PCDHGA3: variants seen among roughly 807,000 people sequenced by gnomAD.
PCDHGA3 encodes the protein protocadherin gamma subfamily A, 3.
PCDHGA3 carries 40 observed loss-of-function variants against 58.5 expected under a neutral mutation model. That is an observed-to-expected ratio of 0.68 (90% CI 0.53 to 0.89). PCDHGA3 has a LOEUF of 0.89. Ranked by LOEUF, PCDHGA3 falls within the 40% of genes least tolerant of loss-of-function variation. The pLI, the probability that PCDHGA3 is intolerant of heterozygous loss-of-function variation, is 0.00. For missense variants in PCDHGA3, 1,223 were observed against 1,195.9 expected (o/e 1.02, Z -0.33); for synonymous variants, 530 against 525.7 (o/e 1.01, Z -0.11).
At chr5:141,364,980 G>C in intron 1 of PCDHGA3, 1 of 1,613,870 alleles carries the variant, frequency 6.2e-7, no homozygotes, top group Middle Eastern at 1.6e-4. Flanking sequence ...GCTTTAGATG[G>C]CGGAGACCCG....
In PCDHGA3 at chr5:141,344,885, G is replaced by T; in HGVS notation, c.852G>T (p.Met284Ile). ...AAGTGTCTTATATTCTAGATAAAAT[G>T]CCTGGGAAAATCGCTGAGATTTTCC... ...NAQVSYILDK[M>I]PGKIAEIFHL... The change falls in exon 1 of 4, where the codon ATG becomes ATT. Residue 284 changes from methionine to isoleucine, a missense_variant. This residue lies in a region of PCDHGA3 where 791 missense variants were observed against 708.5 expected (regional missense o/e 1.12). Transcript: ENST00000253812. The T allele has an allele frequency of 6.2e-7, 1 of 1,613,908 alleles. No individual in the cohort carries two copies. Among genetic ancestry groups the T allele is most frequent in the Non-Finnish European group, 8.5e-7 (1 of 1,179,856 alleles).
chr5:141,372,034 G>A (rs1308858640), intron 1 of PCDHGA3: 10 of 1,613,358 alleles, frequency 6.2e-6, no homozygotes, highest in Non-Finnish European at 8.5e-6. Context: ...GCCAACGTGA[G>A]CCTGCGCGTG....
At chr5:141,389,755 T>C in intron 1 of PCDHGA3, 1 of 1,612,872 alleles carries the variant, frequency 6.2e-7, no homozygotes, top group African/African-American at 1.3e-5. Context: ...ACGGGCGAAG[T>C]GCGCACAGCG....
chr5:141,490,050 C>T lies in PCDHGA3; in HGVS notation c.2425-4757C>T, dbSNP rs1400735375. On this transcript the variant is annotated intron_variant, in intron 1 of 3. Transcript: ENST00000253812. This position sits in a 1 kb window ranked among gnomAD's most constrained non-coding sequence, Gnocchi z 5.4. ...TCCGCCTCAATGCCACTGATCCAGA[C>T]GAGGGCACCAACGGCCAACTAGACT... The T allele has an allele frequency of 1.2e-6, 2 of 1,614,224 alleles. No individual in the cohort carries two copies. The highest frequency in any genetic ancestry group is 1.7e-6 in the Non-Finnish European group (2 of 1,180,022).
At chr5:141,441,718 C>A in intron 1 of PCDHGA3, 1 of 344,940 alleles carries the variant, frequency 2.9e-6, no homozygotes, top group Non-Finnish European at 5.7e-6. Flanking sequence ...ACGCTGCAGG[C>A]CCGCGACCAG....
At chr5:141,374,511 T>A in intron 1 of PCDHGA3, 2 of 1,611,912 alleles carry the variant, frequency 1.2e-6, no homozygotes, top group Non-Finnish European at 8.5e-7. Flanking sequence ...GTGAAAATTC[T>A]CGAAAACGCA....
intron 1 of PCDHGA3, chr5:141,375,524 G>A (rs746416710): frequency 1.9e-6 from 3 of 1,613,986 alleles, no homozygotes; most frequent in Middle Eastern, 1.6e-4. Flanking sequence ...GGACCCTGAC[G>A]TGGACCAGAA....
At chr5:141,372,282 C>G (rs1163647309) in intron 1 of PCDHGA3, 3 of 1,613,202 alleles carry the variant, frequency 1.9e-6, no homozygotes, top group East Asian at 2.2e-5. Flanking sequence ...GCGCACGGCG[C>G]GTACCTTGGG....
intron 1 of PCDHGA3, chr5:141,423,300 G>A (rs1293301567): frequency 2.5e-6 from 4 of 1,614,028 alleles, no homozygotes; most frequent in African/African-American, 1.3e-5. Context: ...CAGACCTCTC[G>A]CTGTACTTGG....
At chr5:141,357,032 C>A (rs754361100) in intron 1 of PCDHGA3, 2 of 1,614,066 alleles carry the variant, frequency 1.2e-6, no homozygotes, top group Non-Finnish European at 1.7e-6. Flanking sequence ...CTACTCAAGT[C>A]CAGCGAGCCG....
At position 141,432,232 on chromosome 5, in the gene PCDHGA3, G is replaced by A. The variant is rs766929605; in HGVS notation, c.2425-62575G>A. Reference sequence around the variant, plus strand: ...AGAACGCCCAGATCACTTATTCCCTGGCTGAGAACACCATCCAAGGGGCAA... The same window carrying A: ...AGAACGCCCAGATCACTTATTCCCTAGCTGAGAACACCATCCAAGGGGCAA... On this transcript the variant is annotated intron_variant, in intron 1 of 3. Coordinates refer to ENST00000253812, the MANE Select transcript of PCDHGA3 (RefSeq NM_018916.4). The surrounding 1 kb of genome is among the most constrained non-coding windows in gnomAD (Gnocchi z 6.0). The A allele has an allele frequency of 6.2e-7, 1 of 1,614,188 alleles. No homozygotes were observed. The highest frequency in any genetic ancestry group is 1.6e-4 in the Middle Eastern group (1 of 6,062).
At chr5:141,414,174 A>C in intron 1 of PCDHGA3, 1 of 1,607,520 alleles carries the variant, frequency 6.2e-7, no homozygotes, top group Non-Finnish European at 8.5e-7. Context: ...CATATCTTGC[A>C]ACTGCAAAAG....
chr5:141,415,102 A>C, intron 1 of PCDHGA3: 1 of 1,613,550 alleles, frequency 6.2e-7, no homozygotes. Flanking sequence ...AGACGCGCTC[A>C]AGCAAAGCCT....
At chr5:141,372,450 G>A in intron 1 of PCDHGA3, 1 of 1,614,034 alleles carries the variant, frequency 6.2e-7, no homozygotes, top group South Asian at 1.1e-5. Flanking sequence ...TGACCCTCAG[G>A]CGGAGCTACA....
intron 1 of PCDHGA3, chr5:141,409,054 T>TA: frequency 6.2e-7 from 1 of 1,614,028 alleles, no homozygotes; most frequent in African/African-American, 1.3e-5. Flanking sequence ...TCCGAAGCAC[T>TA]GCCCAGAGCA....
chr5:141,360,540 G>T, intron 1 of PCDHGA3: 1 of 1,613,928 alleles, frequency 6.2e-7, no homozygotes, highest in Non-Finnish European at 8.5e-7. Context: ...TATTCAAACA[G>T]ACTAAGATTA....
intron 1 of PCDHGA3, chr5:141,409,728 C>G (rs13184503): frequency 6.2e-7 from 1 of 1,613,134 alleles, no homozygotes; most frequent in Admixed American, 1.7e-5. Flanking sequence ...TCAGTGAGCG[C>G]GCAGAGCGGG....
intron 1 of PCDHGA3, chr5:141,367,569 TAA>T (rs1765234769): frequency 6.6e-6 from 1 of 151,200 alleles, no homozygotes; most frequent in Middle Eastern, 3.4e-3. Context: ...AATAAATAAA[TAA>T]ATATCAGAAA....
intron 1 of PCDHGA3, chr5:141,403,092 A>G (rs764199669): frequency 6.2e-7 from 1 of 1,614,086 alleles, no homozygotes; most frequent in East Asian, 2.2e-5. Flanking sequence ...ATTGTGGGCA[A>G]CATCTCCAAG....
Sources: allele counts gnomAD v4.1 joint callset, GRCh38; gene constraint gnomAD v4.1.1; regional missense constraint gnomAD v4.1.1; non-coding constraint Gnocchi (gnomAD v3.1); transcripts MANE v1.5; gene names NCBI Gene and HGNC (gene_info 2026-07-23, HGNC 2026-07-21).